ABCB7: variants seen among roughly 807,000 people sequenced by gnomAD.
ABCB7 encodes ATP binding cassette subfamily B member 7.
ABCB7 carries 7 observed loss-of-function variants against 54.4 expected under a neutral mutation model. That is an observed-to-expected ratio of 0.13 (90% CI 0.07 to 0.24). The LOEUF is 0.24. Among genes scored for constraint, ABCB7 ranks in the 10% least tolerant of loss-of-function variants. The pLI is 1.00. For missense variants in ABCB7, 356 were observed against 570.4 expected (o/e 0.62, Z 3.83); for synonymous variants, 218 against 207.1 (o/e 1.05, Z -0.45).
chrX:75,111,297 C>A (rs746498234), intron 3 of ABCB7, among the ~76,000 whole-genome samples: 59 of 112,023 alleles, frequency 5.3e-4, no homozygotes, highest in African/African-American at 1.8e-3. Context: ...TCAATATATA[C>A]TTTTTAAATA....
At chrX:75,129,457 G>A (rs2147551083) in intron 1 of ABCB7, among the ~76,000 whole-genome samples, 1 of 110,256 alleles carries the variant, frequency 9.1e-6, no homozygotes, top group East Asian at 2.9e-4. Flanking sequence ...GGGTTGGGGA[G>A]CAAGGGAAGA....
chrX:75,146,469 G>C (rs957199701), intron 1 of ABCB7, among the ~76,000 whole-genome samples: 3 of 111,646 alleles, frequency 2.7e-5, no homozygotes, highest in African/African-American at 9.8e-5. Flanking sequence ...TACAAAAACA[G>C]ACACACAGAC....
intron 4 of ABCB7, among the ~76,000 whole-genome samples, chrX:75,085,147 G>GT (rs1330384607): frequency 8.9e-6 from 1 of 112,289 alleles, no homozygotes. Flanking sequence ...GTGTCTGAAT[G>GT]TTTAAAGCAG....
chrX:75,135,154 C>T (rs1446437529), intron 1 of ABCB7, among the ~76,000 whole-genome samples: 4 of 108,289 alleles, frequency 3.7e-5, no homozygotes, highest in South Asian at 4.1e-4. Context: ...CTGTCGACCC[C>T]GCAGATATTA....
At chrX:75,120,633 C>T (rs1427260246) in intron 1 of ABCB7, among the ~76,000 whole-genome samples, 1 of 108,686 alleles carries the variant, frequency 9.2e-6, no homozygotes, top group African/African-American at 3.4e-5. Flanking sequence ...TAAAAATAAA[C>T]TGTTTTATTT....
At chrX:75,109,236 T>A (rs907918906) in intron 3 of ABCB7, among the ~76,000 whole-genome samples, 3 of 111,985 alleles carry the variant, frequency 2.7e-5, no homozygotes, top group African/African-American at 9.7e-5. Context: ...CTATACCTAA[T>A]AACGATGTAG....
In ABCB7 at chrX:75,117,116, C is replaced by G. The variant is rs189710911; in HGVS notation, c.169-2285G>C. ...TTTACTTTCTTAATAAACTTGCTTT[C>G]CCTTTTCTCTAAGGACTTGCCCTGA... On this transcript the variant is annotated intron_variant, in intron 1 of 15. Transcript: ENST00000373394. 3.2e-3 allele frequency among the ~76,000 whole-genome samples: 353 copies of G among 111,475 alleles called. 2 individuals are homozygous for G. The highest frequency in any genetic ancestry group is 5.2e-3 in the Non-Finnish European group (278 of 53,045).
In ABCB7 at chrX:75,092,475, C is replaced by T. The variant is rs57888422; in HGVS notation, c.453+6467G>A. Among the ~76,000 whole-genome samples the T allele has an allele frequency of 4.2e-3, 472 of 111,375 alleles. 19 individuals are homozygous for T. The East Asian group carries it at 0.11, about 27-fold the overall frequency. ...TGTAGAAGATGAAACTATAAATCAT[C>T]TAGAAGATAACGTAAGATAAAATCC... On this transcript the variant is annotated intron_variant, in intron 4 of 15. Transcript: ENST00000373394.
At chrX:75,079,827 G>C (rs982638658) in intron 4 of ABCB7, among the ~76,000 whole-genome samples, 5 of 111,473 alleles carry the variant, frequency 4.5e-5, no homozygotes, top group African/African-American at 1.6e-4. Context: ...ATCACCACAA[G>C]AGAAATCCAT....
intron 4 of ABCB7, 124 bp from the exon 5 acceptor site, chrX:75,076,778 G>C: frequency 1.2e-6 from 1 of 818,078 alleles, no homozygotes; most frequent in Non-Finnish European, 1.7e-6. Context: ...TGGTATTAGA[G>C]TGATTTTCCC....
At chrX:75,146,297 T>C (rs1322908190) in intron 1 of ABCB7, among the ~76,000 whole-genome samples, 2 of 112,234 alleles carry the variant, frequency 1.8e-5, no homozygotes, top group Non-Finnish European at 1.9e-5. Context: ...ATTGACATTG[T>C]TCACAGAACT....
chrX:75,053,418 T>C lies in ABCB7; in HGVS notation c.2211A>G (p.Gln737=). The part of the protein sequence containing the change: ...ISKEEERKKL[Q]EEIVNSVKGC... Reference sequence around the variant, plus strand: ...CTTTCACACTATTGACAATTTCTTCTTGTAGTTTCTTTCTTTCCTCCTCTT... The same window carrying C: ...CTTTCACACTATTGACAATTTCTTCCTGTAGTTTCTTTCTTTCCTCCTCTT... The change falls in exon 16 of 16, where the codon CAA becomes CAG. Residue 737 remains glutamine (Q), a synonymous_variant. Transcript: ENST00000373394. 2.5e-6 allele frequency: 3 copies of C among 1,211,306 alleles called. No individual in the cohort carries two copies. Among genetic ancestry groups the C allele is most frequent in the Non-Finnish European group, 2.2e-6 (2 of 894,970 alleles).
chrX:75,074,054 C>T (rs936229054), intron 6 of ABCB7, 98 bp from the exon 7 acceptor site: 3 of 704,938 alleles, frequency 4.3e-6, no homozygotes, highest in African/African-American at 4.3e-5. Flanking sequence ...AAGATTTTAA[C>T]AAAAATATGG....
At chrX:75,127,081 CA>C (rs1438022467) in intron 1 of ABCB7, among the ~76,000 whole-genome samples, 14 of 111,487 alleles carry the variant, frequency 1.3e-4, no homozygotes, top group African/African-American at 4.6e-4. Context: ...ATCCTGATAA[CA>C]AAACCTGGCA....
intron 3 of ABCB7, among the ~76,000 whole-genome samples, chrX:75,102,133 A>T (rs1054658683): frequency 2.7e-5 from 3 of 111,372 alleles, no homozygotes; most frequent in Non-Finnish European, 5.7e-5. Context: ...GTAATGATCA[A>T]ATCGGAGTAT....
intron 12 of ABCB7, 79 bp downstream of exon 12, chrX:75,068,928 T>C (rs950338721): frequency 5.4e-5 from 59 of 1,084,239 alleles, no homozygotes; most frequent in Non-Finnish European, 7.4e-5. Flanking sequence ...TGTTGATCCC[T>C]TGATTCAAAC....
At chrX:75,062,576 T>C (rs1471626333) in intron 13 of ABCB7, 145 bp from the exon 14 acceptor site, 9 of 493,459 alleles carry the variant, frequency 1.8e-5, no homozygotes, top group African/African-American at 7.1e-5. Flanking sequence ...AGTTGTAGAG[T>C]TGAAGTTCAT....
intron 4 of ABCB7, among the ~76,000 whole-genome samples, chrX:75,080,803 C>A (rs764814894): frequency 3.6e-5 from 4 of 111,775 alleles, no homozygotes; most frequent in Non-Finnish European, 7.5e-5. Flanking sequence ...CTGTTCATGT[C>A]TTTTATGCAT....
At chrX:75,115,281 A>AAG (rs2081802706) in intron 1 of ABCB7, among the ~76,000 whole-genome samples, 1 of 103,745 alleles carries the variant, frequency 9.6e-6, no homozygotes, top group Non-Finnish European at 2.0e-5. Context: ...AAAAAAAAAA[A>AAG]AAAAAAAAAA....
Sources: allele counts gnomAD v4.1 joint callset (sites outside exome capture counted in the v4.1 genomes callset), GRCh38; gene constraint gnomAD v4.1.1; transcripts MANE v1.5; gene names NCBI Gene and HGNC (gene_info 2026-07-23, HGNC 2026-07-21).